PIBF1: variants seen among roughly 807,000 people sequenced by gnomAD.
The protein encoded by PIBF1 is progesterone-induced-blocking factor 1.
Under a neutral mutation model 112.5 loss-of-function variants are expected in PIBF1, and 90 were observed. The ratio of observed to expected loss-of-function variants is 0.80; its 90% CI spans 0.67 to 0.95. The LOEUF is 0.95. Ranked by LOEUF, PIBF1 falls within the 40% of genes least tolerant of loss-of-function variation. The pLI is 0.00. For missense variants in PIBF1, 915 were observed against 852.3 expected (o/e 1.07, Z -0.92); for synonymous variants, 301 against 288.6 (o/e 1.04, Z -0.44).
At position 72,908,528 on chromosome 13, in the gene PIBF1, T is replaced by C; in HGVS notation, c.1489-3T>C. Reference sequence around the variant, plus strand: ...CTTTGTAATTCTTCTCTTTCACTATTAGGTTTTAACCAAAGAATTTTATAG... The same window carrying C: ...CTTTGTAATTCTTCTCTTTCACTATCAGGTTTTAACCAAAGAATTTTATAG... On this transcript the variant is annotated splice_polypyrimidine_tract_variant and splice_region_variant and intron_variant, in intron 11 of 17. Transcript: ENST00000326291. The C allele has an allele frequency of 6.3e-7, 1 of 1,587,818 alleles. No individual in the cohort carries two copies. The highest frequency in any genetic ancestry group is 8.6e-7 in the Non-Finnish European group (1 of 1,168,402).
At chr13:72,784,184 A>G (rs892408446) in intron 2 of PIBF1, among the ~76,000 whole-genome samples, 2 of 150,758 alleles carry the variant, frequency 1.3e-5, no homozygotes, top group Non-Finnish European at 2.9e-5. Flanking sequence ...TGTACATGAC[A>G]TATACACACA....
Position 72,810,059 on chromosome 13 carries a change from G to A in PIBF1, c.673-11790G>A, listed in dbSNP as rs146702318. On this transcript the variant is annotated intron_variant, in intron 5 of 17. Transcript: ENST00000326291. ...AGGGCTCATCTTTTACTTCAAGTCC[G>A]GAGTTTATTTAAAAGTGTCAGTAAT... Among the ~76,000 whole-genome samples, 87 of 152,176 alleles carry A rather than the reference G, an allele frequency of 5.7e-4. 1 individual carries two copies. In the East Asian group the frequency reaches 0.012, roughly 21 times the overall value.
chr13:72,975,365 A>ACATAT (rs2042995171), intron 16 of PIBF1, among the ~76,000 whole-genome samples: 5 of 152,166 alleles, frequency 3.3e-5, no homozygotes. Context: ...AGAAAACAAA[A>ACATAT]CATTTAAAAC....
rs2034417183 is a variant in PIBF1, at chr13:72,783,529, T to C, written c.60T>C (p.Ser20=). The change falls in exon 2 of 18, where the codon TCT becomes TCC. Residue 20 remains serine (S), a synonymous_variant. Transcript: ENST00000326291. The part of the protein sequence containing the change: ...KKVNISSSLE[S]EDISLETTVP... ...TGAACATCTCTAGTTCTCTGGAATCTGAAGATATTAGTTTAGAAACAACAG... is the reference window on the plus strand; with the variant it reads ...TGAACATCTCTAGTTCTCTGGAATCCGAAGATATTAGTTTAGAAACAACAG... The C allele has an allele frequency of 1.2e-6, 2 of 1,613,164 alleles. No homozygotes were observed. The highest frequency in any genetic ancestry group is 3.3e-5 in the Admixed American group (2 of 60,002).
chr13:72,953,998 C>A (rs2042373621), intron 14 of PIBF1, among the ~76,000 whole-genome samples: 1 of 152,076 alleles, frequency 6.6e-6, no homozygotes, highest in African/African-American at 2.4e-5. Flanking sequence ...CACTCAGGCT[C>A]TCCAGGTACA....
At chr13:72,858,378 T>C (rs2038539499) in intron 10 of PIBF1, among the ~76,000 whole-genome samples, 2 of 152,200 alleles carry the variant, frequency 1.3e-5, no homozygotes, top group Non-Finnish European at 2.9e-5. Context: ...CAAGGAATTT[T>C]ATTTCTAGTA....
At chr13:72,913,882 T>C (rs1171482046) in intron 12 of PIBF1, among the ~76,000 whole-genome samples, 2 of 152,234 alleles carry the variant, frequency 1.3e-5, no homozygotes, top group African/African-American at 4.8e-5. Context: ...ATTTTTGTTA[T>C]GATACTATCT....
At chr13:72,817,626 A>G (rs2036337930) in intron 5 of PIBF1, among the ~76,000 whole-genome samples, 1 of 152,172 alleles carries the variant, frequency 6.6e-6, no homozygotes. Flanking sequence ...AGCACATGTG[A>G]TACATTTTCT....
intron 16 of PIBF1, among the ~76,000 whole-genome samples, chr13:72,975,291 A>G (rs1159091139): frequency 6.6e-6 from 1 of 151,992 alleles, no homozygotes; most frequent in African/African-American, 2.4e-5. Context: ...CCTGACCTCA[A>G]GTGATCTGCC....
In PIBF1 at chr13:72,898,283, C is replaced by G. The variant is rs142263655; in HGVS notation, c.1488+4334C>G. Among the ~76,000 whole-genome samples, 859 of 151,866 alleles carry G rather than the reference C, an allele frequency of 5.7e-3. 6 individuals are homozygous for G. The highest frequency in any genetic ancestry group is 0.01 in the Middle Eastern group (3 of 294). ...AACTGAATGACAGTAATGACACAAC[C>G]TACCCAAACCTCTGGAATACAGCTA... On this transcript the variant is annotated intron_variant, in intron 11 of 17. Coordinates refer to ENST00000326291, the MANE Select transcript of PIBF1 (RefSeq NM_006346.4).
rs184072415 is a variant in PIBF1 at position 72,939,695 on chromosome 13, A to G, written c.1833+8428A>G. Among the ~76,000 whole-genome samples the G allele has an allele frequency of 1.0e-3, 154 of 152,298 alleles. 1 individual carries two copies. Among genetic ancestry groups the G allele is most frequent in the African/African-American group, 3.4e-3 (141 of 41,566 alleles). ...GTAAAAAGCGCTGCTATGAACACGC[A>G]AATACAAGCAAATGTATGAGTACCT... On this transcript the variant is annotated intron_variant, in intron 14 of 17. Coordinates refer to ENST00000326291, the MANE Select transcript of PIBF1 (RefSeq NM_006346.4).
chr13:72,849,117 C>T (rs1247693073), intron 9 of PIBF1, among the ~76,000 whole-genome samples: 1 of 152,100 alleles, frequency 6.6e-6, no homozygotes, highest in African/African-American at 2.4e-5. Context: ...GTCTCCATCC[C>T]ACAACATAGG....
chr13:72,958,593 T>C (rs541735172), intron 14 of PIBF1, among the ~76,000 whole-genome samples: 1 of 152,306 alleles, frequency 6.6e-6, no homozygotes, highest in Admixed American at 6.5e-5. Flanking sequence ...GATCCCACTG[T>C]CCGTTCCACC....
At chr13:72,868,332 A>G (rs184242977) in intron 10 of PIBF1, among the ~76,000 whole-genome samples, 2 of 151,120 alleles carry the variant, frequency 1.3e-5, no homozygotes, top group Admixed American at 6.6e-5. Context: ...AAAAAAGACT[A>G]TTTCTCCTTG....
At chr13:72,919,922 C>T (rs569415389) in intron 13 of PIBF1, among the ~76,000 whole-genome samples, 2 of 152,178 alleles carry the variant, frequency 1.3e-5, no homozygotes, top group African/African-American at 4.8e-5. Flanking sequence ...AGCAGTGAAC[C>T]GTGATTGTCC....
intron 16 of PIBF1, among the ~76,000 whole-genome samples, chr13:72,994,921 T>TC (rs2043599822): frequency 6.6e-6 from 1 of 152,194 alleles, no homozygotes; most frequent in Non-Finnish European, 1.5e-5. Context: ...AATAGTAGCA[T>TC]CAACTAGGAT....
chr13:73,013,754 GA>G (rs918001805), intron 17 of PIBF1, among the ~76,000 whole-genome samples: 5 of 112,680 alleles, frequency 4.4e-5, no homozygotes, highest in African/African-American at 1.5e-4. Context: ...AAAAAAAAAA[GA>G]AAAAGAAAAA....
At chr13:72,924,731 A>G (rs563009197) in intron 13 of PIBF1, among the ~76,000 whole-genome samples, 2 of 152,140 alleles carry the variant, frequency 1.3e-5, no homozygotes, top group African/African-American at 4.8e-5. Flanking sequence ...AAAAAAAAGA[A>G]GATTTATTAA....
intron 2 of PIBF1, 64 bp downstream of exon 2, chr13:72,783,785 G>T: frequency 5.9e-6 from 8 of 1,349,508 alleles, no homozygotes; most frequent in Non-Finnish European, 7.3e-6. Context: ...AGGTAAATAA[G>T]AATTAAATAC....
Sources: allele counts gnomAD v4.1 joint callset (sites outside exome capture counted in the v4.1 genomes callset), GRCh38; gene constraint gnomAD v4.1.1; transcripts MANE v1.5; gene names NCBI Gene and HGNC (gene_info 2026-07-23, HGNC 2026-07-21).